Variants in USP38 observed in about 807,000 individuals in gnomAD.
The protein encoded by USP38 is ubiquitin carboxyl-terminal hydrolase 38.
Under a neutral mutation model 94.3 loss-of-function variants are expected in USP38, and 49 were observed. The observed-to-expected ratio is 0.52, with a 90% confidence interval of 0.41 to 0.66. The LOEUF (loss-of-function observed/expected upper bound fraction) is 0.66, where lower values mean the gene tolerates loss of function less well. Among genes scored for constraint, USP38 ranks in the 30% least tolerant of loss-of-function variants. USP38 has a pLI of 0.00. For missense variants in USP38, 1,128 were observed against 1,229.4 expected, an observed-to-expected ratio of 0.92 and a Z score of 1.23; for synonymous variants, 468 against 463.6, an observed-to-expected ratio of 1.01 and a Z score of -0.12.
rs752783007 is a variant in USP38, at chr4:143,214,090, A to G, written c.2114A>G (p.Asp705Gly). The G allele has an allele frequency of 1.2e-5, 20 of 1,613,580 alleles. No individual in the cohort carries two copies. In the South Asian group the frequency reaches 2.1e-4, roughly 17 times the overall value. Reference sequence around the variant, plus strand: ...TCTAACAAGATTCTTGTTAATAAAGATGTACCTCAGAAACCAGGAGGTGAA... The same window carrying G: ...TCTAACAAGATTCTTGTTAATAAAGGTGTACCTCAGAAACCAGGAGGTGAA... ...NESNKILVNK[D>G]VPQKPGGETT... Residue 705 changes from aspartate (D) to glycine (G), a missense_variant, in exon 9 of 10, where the codon GAT becomes GGT. Asp to Gly is a moderately conservative substitution (Grantham distance 94). Coordinates refer to ENST00000307017, the MANE Select transcript of USP38 (RefSeq NM_032557.6).
intron 1 of USP38, among the ~76,000 whole-genome samples, chr4:143,186,765 G>A (rs1248344603): frequency 6.6e-6 from 1 of 152,184 alleles, no homozygotes. Flanking sequence ...AGGGTCACAT[G>A]ATACTTGCCT....
chr4:143,195,598 C>A, intron 2 of USP38, 118 bp from the exon 3 acceptor site: 1 of 1,098,968 alleles, frequency 9.1e-7, no homozygotes, highest in Non-Finnish European at 1.2e-6. Flanking sequence ...TGCTTTTCAC[C>A]AGCAAATTCA....
At position 143,221,724 on chromosome 4, in the gene USP38, G is replaced by C. The variant is rs1473347504; in HGVS notation, c.*1268G>C. 4.6e-5 allele frequency: 7 copies of C among 152,042 alleles called. No homozygotes were observed. The highest frequency in any genetic ancestry group is 1.7e-4 in the African/African-American group (7 of 41,424). The allele number at this position is 152,042 out of a possible 1,614,324, so 9.4% of individuals were successfully genotyped here. On this transcript the variant is annotated 3_prime_UTR_variant, in exon 10 of 10. Transcript: ENST00000307017. ...TAAAGGTTTTAACTTATCCACAGTT[G>C]TGCATTGTTCTGAAGATTGGTCTCA...
At chr4:143,211,478 G>A (rs1581166871) in intron 7 of USP38, among the ~76,000 whole-genome samples, 1 of 152,066 alleles carries the variant, frequency 6.6e-6, no homozygotes, top group African/African-American at 2.4e-5. Context: ...CAAGCAGCAG[G>A]GTTGAGATAT....
At chr4:143,199,195 TCTCA>T (rs1044905554) in intron 4 of USP38, among the ~76,000 whole-genome samples, 51 of 152,268 alleles carry the variant, frequency 3.3e-4, no homozygotes, top group Admixed American at 2.4e-3. Context: ...GTTCATGAGT[TCTCA>T]CCATTTAGCT....
At chr4:143,189,123 G>A (rs989932844) in intron 2 of USP38, among the ~76,000 whole-genome samples, 1 of 151,930 alleles carries the variant, frequency 6.6e-6, no homozygotes. Flanking sequence ...GGATGAAGAA[G>A]GCTTCACTAA....
intron 2 of USP38, among the ~76,000 whole-genome samples, chr4:143,193,169 C>T (rs1233020756): frequency 2.0e-5 from 3 of 152,060 alleles, no homozygotes; most frequent in Admixed American, 2.0e-4. Flanking sequence ...TATATATTCA[C>T]ATGATTTTCT....
intron 2 of USP38, among the ~76,000 whole-genome samples, chr4:143,188,360 T>G (rs1390529185): frequency 1.3e-5 from 2 of 152,098 alleles, no homozygotes; most frequent in Admixed American, 6.5e-5. Context: ...TGTAATACAC[T>G]CTTTGCCTTT....
intron 6 of USP38, among the ~76,000 whole-genome samples, chr4:143,208,120 G>T (rs1318886165): frequency 6.6e-6 from 1 of 152,010 alleles, no homozygotes; most frequent in Non-Finnish European, 1.5e-5. Flanking sequence ...CCAGCCACTT[G>T]CTTTTATCAT....
chr4:143,188,162 CT>C (rs774573205), intron 2 of USP38, among the ~76,000 whole-genome samples: 90 of 152,206 alleles, frequency 5.9e-4, no homozygotes, highest in African/African-American at 2.1e-3. Flanking sequence ...TTCAATTCAA[CT>C]TTTTTTAATT....
rs778558678 is a variant in USP38 at position 143,214,447 on chromosome 4, T to G, written c.2471T>G (p.Leu824Ter). Residue 824 changes from leucine (L) to a stop codon, truncating the protein, a stop_gained, in exon 9 of 10, where the codon TTA becomes TGA. Transcript: ENST00000307017. LOFTEE classifies it high-confidence loss of function. The part of the protein sequence containing the change: ...TDLSENLAKK[L>*]KPSGTDEASC... ...CTTAGTGAGAACCTTGCTAAAAAAT[T>G]AAAGCCTTCAGGGACTGATGAAGCT... is the stretch of plus-strand genomic sequence containing the variant. The G allele has an allele frequency of 1.2e-6, 2 of 1,613,666 alleles. No individual in the cohort carries two copies. Among genetic ancestry groups the G allele is most frequent in the Non-Finnish European group, 1.7e-6 (2 of 1,179,826 alleles).
In USP38 at chr4:143,214,589, A is replaced by G. The variant is rs1284852590; in HGVS notation, c.2613A>G (p.Ser871=). 3 of 1,613,502 alleles carry G rather than the reference A, an allele frequency of 1.9e-6. No individual in the cohort carries two copies. Among genetic ancestry groups the G allele is most frequent in the Admixed American group, 1.7e-5 (1 of 59,892 alleles). ...YARNITSTDS[S]YQMYHQSEAL... is the part of the protein sequence containing the mutation. ...GGAATATCACAAGTACAGACTCTTCATATCAGATGTACCACCAGTCTGAGG... is the reference window on the plus strand; with the variant it reads ...GGAATATCACAAGTACAGACTCTTCGTATCAGATGTACCACCAGTCTGAGG... The change falls in exon 9 of 10, where the codon TCA becomes TCG. Residue 871 remains serine, a synonymous_variant. Coordinates refer to ENST00000307017, the MANE Select transcript of USP38 (RefSeq NM_032557.6).
chr4:143,211,695 G>C (rs1453075440), intron 7 of USP38, among the ~76,000 whole-genome samples: 1 of 151,938 alleles, frequency 6.6e-6, no homozygotes, highest in African/African-American at 2.4e-5. Context: ...GTTCTTTTTT[G>C]TCATGGCAAA....
Position 143,214,248 on chromosome 4 carries a change from C to A in USP38, c.2272C>A (p.Pro758Thr). 3 of 1,613,522 alleles carry A rather than the reference C, an allele frequency of 1.9e-6. No homozygotes were observed. Among genetic ancestry groups the A allele is most frequent in the East Asian group, 2.2e-5 (1 of 44,842 alleles). ...GAAAACTATGCAAATCACGGAGGAA[C>A]CTGAATACCTTATTCTTACTCTCCT... ...AEKTMQITEE[P>T]EYLILTLLRF... is the part of the protein sequence containing the mutation. Residue 758 changes from proline to threonine, a missense_variant, in exon 9 of 10, where the codon CCT (proline) becomes ACT (threonine). Physicochemically the swap from Pro to Thr is conservative, Grantham distance 38 (BLOSUM62 -1). Transcript: ENST00000307017.
chr4:143,199,926 G>A (rs1012031450), intron 4 of USP38, among the ~76,000 whole-genome samples: 1 of 152,130 alleles, frequency 6.6e-6, no homozygotes, highest in African/African-American at 2.4e-5. Context: ...TCCGTAGGTT[G>A]TCTGTTTACT....
At chr4:143,204,581 G>A in intron 5 of USP38, 1 of 348,368 alleles carries the variant, frequency 2.9e-6, no homozygotes, top group Non-Finnish European at 5.6e-6. Context: ...TAGAGTCGGG[G>A]CCTCACTATG....
chr4:143,191,276 A>C (rs570105534), intron 2 of USP38, among the ~76,000 whole-genome samples: 2 of 152,312 alleles, frequency 1.3e-5, no homozygotes, highest in South Asian at 4.1e-4. Flanking sequence ...GTAACATTAA[A>C]ATATGAAATA....
intron 2 of USP38, among the ~76,000 whole-genome samples, chr4:143,189,350 T>C (rs1462546328): frequency 2.6e-5 from 4 of 152,106 alleles, no homozygotes; most frequent in African/African-American, 9.6e-5. Flanking sequence ...CCTGCCTGTT[T>C]TTGTTTTTTA....
chr4:143,210,117 C>G (rs1295576221), intron 7 of USP38, among the ~76,000 whole-genome samples: 1 of 152,094 alleles, frequency 6.6e-6, no homozygotes. Context: ...AAGATCTCTG[C>G]AGTTCTGTTT....
Sources: gnomAD v4.1 joint callset for allele counts (sites outside exome capture counted in the v4.1 genomes callset) on GRCh38, gnomAD v4.1.1 for gene constraint, MANE v1.5 for transcripts, NCBI Gene and HGNC (gene_info 2026-07-23, HGNC 2026-07-21) for gene names.